LYST: variants seen among roughly 807,000 people sequenced by gnomAD.
LYST encodes the protein lysosomal-trafficking regulator.
LYST carries 192 observed loss-of-function variants against 413.6 expected under a neutral mutation model. The observed-to-expected ratio is 0.46, with a 90% CI of 0.41 to 0.52. The LOEUF (loss-of-function observed/expected upper bound fraction) is 0.52, where lower values mean the gene tolerates loss of function less well. LYST is among the 20% of genes least tolerant of loss of function. The pLI is 0.00. For synonymous variants in LYST, 1,525 were observed against 1,567.3 expected (o/e 0.97, Z 0.64); for missense variants, 3,815 against 4,499.9 (o/e 0.85, Z 4.35).
intron 3 of LYST, among the ~76,000 whole-genome samples, chr1:235,820,330 C>A (rs1270529665): frequency 6.6e-6 from 1 of 152,048 alleles, no homozygotes; most frequent in Non-Finnish European, 1.5e-5. Context: ...TGGACTCTAT[C>A]CAGAATGTGA....
rs761509986 is a variant in LYST, at chr1:235,777,294, A to G, written c.5229T>C (p.Val1743=). 7 of 1,612,874 alleles carry G rather than the reference A, an allele frequency of 4.3e-6. No individual in the cohort carries two copies. The Middle Eastern group carries it at 6.6e-4, about 153-fold the overall frequency. Residue 1743 remains valine (V), a synonymous_variant, in exon 17 of 53, where the codon GTT becomes GTC. Coordinates refer to ENST00000389793, the MANE Select transcript of LYST (RefSeq NM_000081.4). ...GAGCAGGACAGTAAGTTGTATAAACAACTGAAAGACTTTCCTGAAATACAA... is the reference window on the plus strand; with the variant it reads ...GAGCAGGACAGTAAGTTGTATAAACGACTGAAAGACTTTCCTGAAATACAA... ...DIGLLIESLS[V]VYTTYCPAQY... is the part of the protein sequence containing the mutation.
At chr1:235,777,950 T>C (rs1014700289) in intron 16 of LYST, among the ~76,000 whole-genome samples, 2 of 151,794 alleles carry the variant, frequency 1.3e-5, no homozygotes, top group Non-Finnish European at 2.9e-5. Flanking sequence ...AGAGACAGTG[T>C]CTTGCTCTGG....
chr1:235,700,348 T>C (rs1350134026), intron 45 of LYST, among the ~76,000 whole-genome samples: 1 of 152,160 alleles, frequency 6.6e-6, no homozygotes, highest in Non-Finnish European at 1.5e-5. Flanking sequence ...AAAGGTCTAA[T>C]ATCCAGAATC....
intron 24 of LYST, among the ~76,000 whole-genome samples, chr1:235,756,518 C>T (rs1268906883): frequency 3.9e-5 from 6 of 152,004 alleles, no homozygotes; most frequent in African/African-American, 7.2e-5. Context: ...ACATGAAATG[C>T]GAGCTCAATA....
At chr1:235,831,787 G>C (rs534788857) in intron 2 of LYST, among the ~76,000 whole-genome samples, 12 of 151,762 alleles carry the variant, frequency 7.9e-5, no homozygotes, top group Non-Finnish European at 1.5e-4. Flanking sequence ...TATTAATATT[G>C]GTTCTTTATA....
intron 22 of LYST, among the ~76,000 whole-genome samples, chr1:235,762,287 G>A (rs751369611): frequency 6.6e-6 from 1 of 152,128 alleles, no homozygotes; most frequent in African/African-American, 2.4e-5. Flanking sequence ...AAGCATTCTT[G>A]ATGATGATAA....
chr1:235,758,909 G>T, intron 23 of LYST, 63 bp downstream of exon 23: 1 of 1,498,934 alleles, frequency 6.7e-7, no homozygotes, highest in Non-Finnish European at 9.3e-7. Flanking sequence ...TTCCAGAGGG[G>T]TAGAGAGTCT....
intron 3 of LYST, among the ~76,000 whole-genome samples, chr1:235,816,731 A>G (rs1558294406): frequency 6.6e-6 from 1 of 152,342 alleles, no homozygotes; most frequent in East Asian, 1.9e-4. Flanking sequence ...GACCGATGGA[A>G]CAGAATAAAG....
intron 19 of LYST, among the ~76,000 whole-genome samples, chr1:235,771,917 GTTT>G (rs1215590592): frequency 4.1e-5 from 3 of 72,726 alleles, no homozygotes; most frequent in Non-Finnish European, 5.1e-5. Flanking sequence ...TTTTTAGTTT[GTTT>G]TTTTTTTTTT....
intron 38 of LYST, among the ~76,000 whole-genome samples, chr1:235,724,974 CCA>C (rs760355383): frequency 2.6e-5 from 4 of 152,134 alleles, no homozygotes; most frequent in Non-Finnish European, 5.9e-5. Context: ...TGCACATACC[CCA>C]GTTTCAGAAA....
intron 7 of LYST, 126 bp downstream of exon 7, chr1:235,804,378 T>C (rs866094566): frequency 2.6e-6 from 2 of 773,670 alleles, no homozygotes; most frequent in Middle Eastern, 3.5e-4. Flanking sequence ...TAAGATCCAC[T>C]GAACTCATCT....
At chr1:235,846,927 G>T (rs9651085) in intron 1 of LYST, among the ~76,000 whole-genome samples, 267 of 152,196 alleles carry the variant, frequency 1.8e-3, no homozygotes, top group African/African-American at 6.0e-3. Context: ...AGGAAGAAGA[G>T]AATTCTAAAA....
At chr1:235,704,544 C>T (rs1028684775) in intron 44 of LYST, among the ~76,000 whole-genome samples, 2 of 152,000 alleles carry the variant, frequency 1.3e-5, no homozygotes, top group African/African-American at 4.8e-5. Flanking sequence ...GTTGGTCACA[C>T]GTATGTCTTG....
intron 13 of LYST, among the ~76,000 whole-genome samples, chr1:235,788,335 G>GT (rs753802621): frequency 5.7e-4 from 87 of 151,670 alleles, no homozygotes; most frequent in Non-Finnish European, 1.2e-3. Context: ...AATTTTTGTG[G>GT]TTTTTTGTTT....
rs189235195 is a variant in LYST, at chr1:235,816,316, C to T, written c.193-3255G>A. ...ATTAGCCAGGCATGATGCCATGTGCCTGTAGTCCCAGCTACTCGGGAGCTG... is the reference window on the plus strand; with the variant it reads ...ATTAGCCAGGCATGATGCCATGTGCTTGTAGTCCCAGCTACTCGGGAGCTG... On this transcript the variant is annotated intron_variant, in intron 3 of 52. Transcript: ENST00000389793. 3.3e-5 allele frequency among the ~76,000 whole-genome samples: 5 copies of T among 149,922 alleles called. No individual in the cohort carries two copies. The East Asian group carries it at 9.9e-4, about 30-fold the overall frequency.
chr1:235,806,600 G>C lies in LYST; in HGVS notation c.2536C>G (p.Gln846Glu). The C allele has an allele frequency of 1.2e-6, 2 of 1,614,052 alleles. No individual in the cohort carries two copies. Among genetic ancestry groups the C allele is most frequent in the African/African-American group, 2.7e-5 (2 of 75,048 alleles). ...VPDIDGIDIEQKELSSVHVGT... is the reference protein window; with the variant it reads ...VPDIDGIDIEEKELSSVHVGT... ...ACATGTACAGAGGACAACTCCTTCTGTTCAATGTCTATCCCATCAATATCT... is the reference window on the plus strand; with the variant it reads ...ACATGTACAGAGGACAACTCCTTCTCTTCAATGTCTATCCCATCAATATCT... Residue 846 changes from glutamine to glutamate, a missense_variant, in exon 6 of 53, where the codon CAG becomes GAG. Coordinates refer to ENST00000389793, the MANE Select transcript of LYST (RefSeq NM_000081.4).
intron 44 of LYST, among the ~76,000 whole-genome samples, chr1:235,703,587 T>A (rs1193157943): frequency 1.3e-5 from 2 of 152,240 alleles, no homozygotes; most frequent in Non-Finnish European, 1.5e-5. Context: ...ACATATCCAC[T>A]TGATGGCTTA....
intron 36 of LYST, among the ~76,000 whole-genome samples, chr1:235,729,890 C>G (rs1441966971): frequency 1.3e-5 from 2 of 152,044 alleles, no homozygotes; most frequent in Admixed American, 6.6e-5. Context: ...AACCTGTAGA[C>G]AGAATATAGA....
chr1:235,817,881 T>A (rs576389001), intron 3 of LYST, among the ~76,000 whole-genome samples: 194 of 151,862 alleles, frequency 1.3e-3, no homozygotes, highest in Admixed American at 3.7e-3. Context: ...AAAAAAAAAA[T>A]TTGTTACCAC....
Sources: allele counts gnomAD v4.1 joint callset (sites outside exome capture counted in the v4.1 genomes callset), GRCh38; gene constraint gnomAD v4.1.1; transcripts MANE v1.5; gene names NCBI Gene and HGNC (gene_info 2026-07-23, HGNC 2026-07-21).